Variants in XKR6 observed in about 807,000 individuals in gnomAD.
XKR6 encodes the protein XK-related protein 6.
XKR6 carries 22 observed loss-of-function variants against 56.7 expected under a neutral mutation model. The observed-to-expected ratio is 0.39, with a 90% CI of 0.28 to 0.55. The LOEUF is 0.55. XKR6 is among the 20% of genes least tolerant of loss of function. XKR6 has a pLI of 0.66. For synonymous variants in XKR6, 524 were observed against 387.8 expected, an observed-to-expected ratio of 1.35 and a Z score of -4.13; for missense variants, 852 against 889.0, an observed-to-expected ratio of 0.96 and a Z score of 0.53.
intron 1 of XKR6, among the ~76,000 whole-genome samples, chr8:11,192,987 CCTGT>C (rs1803663839): frequency 6.6e-6 from 1 of 152,174 alleles, no homozygotes; most frequent in Admixed American, 6.5e-5. Context: ...CCTCATTTGT[CCTGT>C]CTATTTAAGA....
chr8:11,114,874 G>C (rs561694000), intron 1 of XKR6, among the ~76,000 whole-genome samples: 39 of 151,858 alleles, frequency 2.6e-4, no homozygotes, highest in Admixed American at 3.9e-4. Context: ...GGTTCCAATA[G>C]CAGTACTCGT....
intron 1 of XKR6, among the ~76,000 whole-genome samples, chr8:11,169,416 T>C (rs889250203): frequency 4.6e-4 from 70 of 152,048 alleles, no homozygotes; most frequent in Admixed American, 1.4e-3. Context: ...AAACAAAATG[T>C]AGTAAATATC....
chr8:10,973,562 T>C (rs1036953580), intron 1 of XKR6, among the ~76,000 whole-genome samples: 1 of 150,362 alleles, frequency 6.7e-6, no homozygotes, highest in Non-Finnish European at 1.5e-5. Context: ...GATCTTTCTT[T>C]CTTTCTCTCT....
At chr8:10,958,773 G>T (rs993271478) in intron 1 of XKR6, among the ~76,000 whole-genome samples, 1 of 152,198 alleles carries the variant, frequency 6.6e-6, no homozygotes, top group Admixed American at 6.5e-5. Flanking sequence ...GAAACGATGG[G>T]CTCATCACTG....
intron 2 of XKR6, 42 bp downstream of exon 2, chr8:10,924,592 A>C: frequency 1.3e-6 from 2 of 1,570,642 alleles, no homozygotes; most frequent in Non-Finnish European, 1.7e-6. Flanking sequence ...CCCCAGGTGG[A>C]GGGCAGGCCG....
chr8:11,014,338 G>A (rs1798568689), intron 1 of XKR6, among the ~76,000 whole-genome samples: 1 of 152,184 alleles, frequency 6.6e-6, no homozygotes, highest in African/African-American at 2.4e-5. Context: ...TCAAAAGCAG[G>A]CACAGGACCA....
At chr8:11,034,433 G>A (rs914166025) in intron 1 of XKR6, among the ~76,000 whole-genome samples, 3 of 152,196 alleles carry the variant, frequency 2.0e-5, no homozygotes, top group Non-Finnish European at 4.4e-5. Context: ...GAAGCTGCAT[G>A]TGTCTAGAGC....
At chr8:10,909,194 G>GCT (rs1322940403) in intron 2 of XKR6, among the ~76,000 whole-genome samples, 35 of 147,084 alleles carry the variant, frequency 2.4e-4, no homozygotes, top group Non-Finnish European at 2.2e-4. Context: ...TTTGGCCTGA[G>GCT]CTCTGTCTCT....
intron 1 of XKR6, among the ~76,000 whole-genome samples, chr8:10,965,534 C>G (rs563116832): frequency 6.6e-6 from 1 of 152,326 alleles, no homozygotes; most frequent in Non-Finnish European, 1.5e-5. Context: ...GGTACATACT[C>G]ATCGTACATG....
In XKR6 at chr8:10,932,588, A is replaced by G. The variant is rs1284209074; in HGVS notation, c.765-7758T>C. Among the ~76,000 whole-genome samples the G allele has an allele frequency of 5.8e-5, 5 of 86,562 alleles. No individual in the cohort carries two copies. In the Admixed American group the frequency reaches 7.6e-4, roughly 13 times the overall value. 56.8% of individuals were successfully genotyped at this position (86,562 alleles called of 152,430 possible). ...TATCCCTCCCCCCTCCCCCCACCCC[A>G]CCACAGTCCCCAGAGTGTGATATTC... On this transcript the variant is annotated intron_variant, in intron 1 of 2. Transcript: ENST00000416569.
rs748172865 is a variant in XKR6 at position 11,200,800 on chromosome 8, G to A, written c.540C>T (p.Ser180=). The A allele has an allele frequency of 4.3e-6, 7 of 1,610,604 alleles. No homozygotes were observed. In the African/African-American group the frequency reaches 5.4e-5, roughly 12 times the overall value. ...TGTAGTCCTGCACGAACCAGCGGAA[G>A]CTCAGGCTCTGCACCAGCAGCGACG... ...LVPSLLVQSL[S]FRWFVQDYTG... The change falls in exon 1 of 3, where the codon AGC becomes AGT. Residue 180 remains serine (S), a synonymous_variant. Coordinates refer to ENST00000416569, the MANE Select transcript of XKR6 (RefSeq NM_173683.4). This position sits in a 1 kb window ranked among gnomAD's most constrained non-coding sequence, Gnocchi z 6.4.
At chr8:10,940,578 C>T (rs927028801) in intron 1 of XKR6, among the ~76,000 whole-genome samples, 1 of 152,166 alleles carries the variant, frequency 6.6e-6, no homozygotes, top group Non-Finnish European at 1.5e-5. Context: ...TTTGTCGGCA[C>T]CTGCAGACGG....
At chr8:11,074,626 C>T (rs1423844903) in intron 1 of XKR6, among the ~76,000 whole-genome samples, 1 of 152,152 alleles carries the variant, frequency 6.6e-6, no homozygotes, top group East Asian at 1.9e-4. Context: ...TTGGTATGTA[C>T]CAGAGCAAAC....
chr8:10,922,311 G>A (rs1481275443), intron 2 of XKR6, among the ~76,000 whole-genome samples: 2 of 152,270 alleles, frequency 1.3e-5, no homozygotes, highest in Non-Finnish European at 2.9e-5. Context: ...GCCCATGAGA[G>A]CACTGTTGCC....
intron 1 of XKR6, among the ~76,000 whole-genome samples, chr8:10,966,500 C>T (rs961084026): frequency 2.0e-5 from 3 of 152,032 alleles, no homozygotes; most frequent in Admixed American, 6.6e-5. Context: ...GGTGAAACCC[C>T]GTCTCTACTA....
intron 1 of XKR6, among the ~76,000 whole-genome samples, chr8:11,050,447 G>T (rs975196046): frequency 6.6e-6 from 1 of 151,840 alleles, no homozygotes; most frequent in African/African-American, 2.4e-5. Flanking sequence ...ACAACTCTAT[G>T]AAGAACAATG....
chr8:10,963,321 A>G (rs991754563), intron 1 of XKR6, among the ~76,000 whole-genome samples: 2 of 152,038 alleles, frequency 1.3e-5, no homozygotes, highest in African/African-American at 4.8e-5. Flanking sequence ...TTTCTCGACC[A>G]CCCTGTTTAA....
chr8:11,026,512 A>C (rs1175574288), intron 1 of XKR6, among the ~76,000 whole-genome samples: 1 of 146,904 alleles, frequency 6.8e-6, no homozygotes, highest in East Asian at 2.0e-4. Context: ...CCTACTACAC[A>C]CTTAGATGGT....
intron 1 of XKR6, among the ~76,000 whole-genome samples, chr8:10,996,863 G>A (rs1468074702): frequency 2.6e-5 from 4 of 152,152 alleles, no homozygotes; most frequent in African/African-American, 7.2e-5. Context: ...AGCAGCTCAG[G>A]AGGGTGAGGC....
Sources: gnomAD v4.1 joint callset for allele counts (sites outside exome capture counted in the v4.1 genomes callset) on GRCh38, gnomAD v4.1.1 for gene constraint, Gnocchi (gnomAD v3.1) non-coding constraint, MANE v1.5 for transcripts, NCBI Gene and HGNC (gene_info 2026-07-23, HGNC 2026-07-21) for gene names.